The following FZD1 variants were observed in gnomAD, a reference collection of about 807,000 sequenced individuals.
FZD1 encodes frizzled-1.
A neutral mutation model predicts 48.0 loss-of-function variants in FZD1; 22 were observed. The observed-to-expected ratio is 0.46, with a 90% confidence interval of 0.33 to 0.65. FZD1 has a LOEUF of 0.65. Among genes scored for constraint, FZD1 ranks in the 30% least tolerant of loss-of-function variants. The pLI is 0.02. For synonymous variants in FZD1, 486 were observed against 409.6 expected, an observed-to-expected ratio of 1.19 and a Z score of -2.25; for missense variants, 843 against 898.1, an observed-to-expected ratio of 0.94 and a Z score of 0.78.
Position 91,265,100 on chromosome 7 carries a change from G to A in FZD1, c.220G>A (p.Ala74Thr). The change falls in exon 1 of 1, where the codon GCG (alanine) becomes ACG (threonine). Residue 74 changes from alanine (A) to threonine (T), a missense_variant. Transcript: ENST00000287934. The surrounding 1 kb of genome is among the most constrained non-coding windows in gnomAD (Gnocchi z 6.9). ...GCTGCTGCTGGGGGTCCGGGCCCAG[G>A]CGGCGGGCCAGGGGCCAGGCCAGGG... Reference protein sequence around the residue: ...APLLLGVRAQAAGQGPGQGPG... With the variant: ...APLLLGVRAQTAGQGPGQGPG... 1 of 1,396,340 alleles carries A rather than the reference G, an allele frequency of 7.2e-7. No homozygotes were observed. The highest frequency in any genetic ancestry group is 1.6e-5 in the South Asian group (1 of 62,650). The allele number at this position is 1,396,340 out of a possible 1,614,324, so 86.5% of individuals were successfully genotyped here. A position where few individuals can be genotyped will look rare whatever the true frequency, so the allele number is the denominator to read the frequency against.
chr7:91,264,908 T>C lies in FZD1; in HGVS notation c.28T>C (p.Ser10Pro). ...GGCTGAGGAGGAGGCGCCTAAGAAG[T>C]CCCGGGCCGCCGGCGGTGGCGCGAG... MAEEEAPKKSRAAGGGASWE... is the reference protein window; with the variant it reads MAEEEAPKKPRAAGGGASWE... Residue 10 changes from serine to proline, a missense_variant, in exon 1 of 1, where the codon TCC becomes CCC. Physicochemically the swap from Ser to Pro is moderately conservative, Grantham distance 74 (BLOSUM62 -1). Coordinates refer to ENST00000287934, the MANE Select transcript of FZD1 (RefSeq NM_003505.2). 1 of 1,323,028 alleles carries C rather than the reference T, an allele frequency of 7.6e-7. No homozygotes were observed. Among genetic ancestry groups the C allele is most frequent in the Non-Finnish European group, 9.6e-7 (1 of 1,042,040 alleles). 82.0% of individuals were successfully genotyped at this position (1,323,028 alleles called of 1,614,324 possible). A position where few individuals can be genotyped will look rare whatever the true frequency, so the allele number is the denominator to read the frequency against.
chr7:91,266,763 AC>A lies in FZD1; in HGVS notation c.1884del (p.Ser629ProfsTer76). On this transcript the variant is annotated frameshift_variant, in exon 1 of 1. Coordinates refer to ENST00000287934, the MANE Select transcript of FZD1 (RefSeq NM_003505.2). LOFTEE classifies it high-confidence loss of function. The surrounding 1 kb of genome is among the most constrained non-coding windows in gnomAD (Gnocchi z 6.8). ...GFWIWSGKTL[N>X]SWRKFYTRLT... The stretch of plus-strand genomic sequence containing the variant: ...TGGATCTGGTCCGGCAAGACCCTCA[AC>A]TCCTGGAGGAAGTTCTACACGAGGC... 1 of 1,612,526 alleles carries A rather than the reference AC, an allele frequency of 6.2e-7. No individual in the cohort carries two copies. The highest frequency in any genetic ancestry group is 1.1e-5 in the South Asian group (1 of 90,986).
In FZD1 at chr7:91,267,033, G is replaced by A; in HGVS notation, c.*209G>A. The A allele has an allele frequency of 3.7e-6, 2 of 542,604 alleles. No homozygotes were observed. The highest frequency in any genetic ancestry group is 3.0e-5 in the East Asian group (1 of 33,116). The allele number at this position is 542,604 out of a possible 1,614,324, so 33.6% of individuals were successfully genotyped here. A position where few individuals can be genotyped will look rare whatever the true frequency, so the allele number is the denominator to read the frequency against. On this transcript the variant is annotated 3_prime_UTR_variant, in exon 1 of 1. Transcript: ENST00000287934. ...AGGGCCCGACTGCCAGAGGGAGGAT[G>A]GACAGACCTCTTGCCCTCACACTCT...
rs1160080135 is a variant in FZD1 at position 91,270,493 on chromosome 7, A to G, written c.*3669A>G. ...TACTGAAGCCTTCTGGTGTAGTTGT[A>G]TCACCTTAATGTCCAGCATTTAACT... is the stretch of plus-strand genomic sequence containing the variant. On this transcript the variant is annotated 3_prime_UTR_variant, in exon 1 of 1. Coordinates refer to ENST00000287934, the MANE Select transcript of FZD1 (RefSeq NM_003505.2). 3 of 167,046 alleles carry G rather than the reference A, an allele frequency of 1.8e-5. No homozygotes were observed. The highest frequency in any genetic ancestry group is 7.2e-5 in the African/African-American group (3 of 41,430). 10.3% of individuals were successfully genotyped at this position (167,046 alleles called of 1,614,324 possible).
rs1803926527 is a variant in FZD1, at chr7:91,268,660, A to G, written c.*1836A>G. Reference sequence around the variant, plus strand: ...TATTTATAGAGGAATAGAAGTTTATATATATATAATACCATATTTTTAATT... The same window carrying G: ...TATTTATAGAGGAATAGAAGTTTATGTATATATAATACCATATTTTTAATT... On this transcript the variant is annotated 3_prime_UTR_variant, in exon 1 of 1. Transcript: ENST00000287934. 1 of 166,276 alleles carries G rather than the reference A, an allele frequency of 6.0e-6. No homozygotes were observed. Among genetic ancestry groups the G allele is most frequent in the East Asian group, 1.9e-4 (1 of 5,196 alleles). 10.3% of individuals were successfully genotyped at this position (166,276 alleles called of 1,614,324 possible).
In FZD1 at chr7:91,266,602, C is replaced by G; in HGVS notation, c.1722C>G (p.Cys574Trp). ...AACGCAGCTGGGTGGCCCAGAGCTG[C>G]AAGAGCTACGCTATCCCCTGCCCTC... ...QWERSWVAQSCKSYAIPCPHL... is the reference protein window; with the variant it reads ...QWERSWVAQSWKSYAIPCPHL... Residue 574 changes from cysteine (C) to tryptophan (W), a missense_variant, in exon 1 of 1, where the codon TGC (cysteine) becomes TGG (tryptophan). Cys to Trp is a radical substitution (Grantham distance 215). Transcript: ENST00000287934. This position sits in a 1 kb window ranked among gnomAD's most constrained non-coding sequence, Gnocchi z 6.8. 1 of 1,613,506 alleles carries G rather than the reference C, an allele frequency of 6.2e-7. No homozygotes were observed.
At position 91,268,348 on chromosome 7, in the gene FZD1, G is replaced by A. The variant is rs878905862; in HGVS notation, c.*1524G>A. On this transcript the variant is annotated 3_prime_UTR_variant, in exon 1 of 1. Coordinates refer to ENST00000287934, the MANE Select transcript of FZD1 (RefSeq NM_003505.2). ...AAAATATGGGCATGCATGCTAAAGG[G>A]AAAATGTGTGCAGGTCTACTGCATT... 9.0e-5 allele frequency: 15 copies of A among 167,182 alleles called. No individual in the cohort carries two copies. In the South Asian group the frequency reaches 3.1e-3, roughly 35 times the overall value. 10.4% of individuals were successfully genotyped at this position (167,182 alleles called of 1,614,324 possible).
Position 91,264,563 on chromosome 7 carries a change from G to A in FZD1, c.-318G>A, listed in dbSNP as rs931809919. ...AGCCCGCTGGGCTGCGGAGAGTTGC[G>A]CTCTCTACGGGGCCGCGGCCACTAG... is the stretch of plus-strand genomic sequence containing the variant. On this transcript the variant is annotated 5_prime_UTR_variant, in exon 1 of 1. Coordinates refer to ENST00000287934, the MANE Select transcript of FZD1 (RefSeq NM_003505.2). 55 of 355,048 alleles carry A rather than the reference G, an allele frequency of 1.5e-4. No homozygotes were observed. Among genetic ancestry groups the A allele is most frequent in the Non-Finnish European group, 2.5e-4 (49 of 197,506 alleles). 22.0% of individuals were successfully genotyped at this position (355,048 alleles called of 1,614,324 possible).
rs984834944 is a variant in FZD1 at position 91,266,580 on chromosome 7, G to A, written c.1700G>A (p.Arg567His). ...YEQAFRDQWE[R>H]SWVAQSCKSY... ...CAGGCCTTCCGGGACCAGTGGGAAC[G>A]CAGCTGGGTGGCCCAGAGCTGCAAG... The change falls in exon 1 of 1, where the codon CGC (arginine) becomes CAC (histidine). Residue 567 changes from arginine (R) to histidine (H), a missense_variant. This residue lies in a region of FZD1 where 353 missense variants were observed against 431.6 expected (regional missense o/e 0.82). Transcript: ENST00000287934. This position sits in a 1 kb window ranked among gnomAD's most constrained non-coding sequence, Gnocchi z 6.8. 6.2e-6 allele frequency: 10 copies of A among 1,613,488 alleles called. No homozygotes were observed. The highest frequency in any genetic ancestry group is 1.6e-4 in the Middle Eastern group (1 of 6,084).
Position 91,264,854 on chromosome 7 carries a change from C to G in FZD1, c.-27C>G, listed in dbSNP as rs947332790. The G allele has an allele frequency of 1.6e-6, 2 of 1,271,580 alleles. No homozygotes were observed. The highest frequency in any genetic ancestry group is 2.0e-6 in the Non-Finnish European group (2 of 1,011,042). 78.8% of individuals were successfully genotyped at this position (1,271,580 alleles called of 1,614,324 possible). ...CGTGCCCCTGGCAGCCCCAGCGGAG[C>G]GGCGCCAAGAGAGGAGCCGAGAAAG... On this transcript the variant is annotated 5_prime_UTR_variant, in exon 1 of 1. Coordinates refer to ENST00000287934, the MANE Select transcript of FZD1 (RefSeq NM_003505.2).
Position 91,267,988 on chromosome 7 carries a change from G to A in FZD1, c.*1164G>A, listed in dbSNP as rs1292755680. 1 of 167,108 alleles carries A rather than the reference G, an allele frequency of 6.0e-6. No homozygotes were observed. Among genetic ancestry groups the A allele is most frequent in the Admixed American group, 6.5e-5 (1 of 15,292 alleles). The allele number at this position is 167,108 out of a possible 1,614,324, so 10.4% of individuals were successfully genotyped here. ...TTTTACCGGTCTGTAAAATGGAAATGTTGAGGTCACCTGGAAAGCTTTGTT... is the reference window on the plus strand; with the variant it reads ...TTTTACCGGTCTGTAAAATGGAAATATTGAGGTCACCTGGAAAGCTTTGTT... On this transcript the variant is annotated 3_prime_UTR_variant, in exon 1 of 1. Coordinates refer to ENST00000287934, the MANE Select transcript of FZD1 (RefSeq NM_003505.2).
rs571332604 is a variant in FZD1, at chr7:91,266,906, C to T, written c.*82C>T. On this transcript the variant is annotated 3_prime_UTR_variant, in exon 1 of 1. Transcript: ENST00000287934. The surrounding 1 kb of genome is among the most constrained non-coding windows in gnomAD (Gnocchi z 6.8). ...CCAGCGCCGTGGAGTTCGTGCCAAT[C>T]CTGACATCTCGAGGTTTCCTCACTA... 33 of 887,748 alleles carry T rather than the reference C, an allele frequency of 3.7e-5. No individual in the cohort carries two copies. In the East Asian group the frequency reaches 8.0e-4, roughly 22 times the overall value. The allele number at this position is 887,748 out of a possible 1,614,324, so 55.0% of individuals were successfully genotyped here. A position where few individuals can be genotyped will look rare whatever the true frequency, so the allele number is the denominator to read the frequency against.
Position 91,265,807 on chromosome 7 carries a change from G to C in FZD1, c.927G>C (p.Met309Ile). The C allele has an allele frequency of 6.2e-7, 1 of 1,613,746 alleles. No individual in the cohort carries two copies. Among genetic ancestry groups the C allele is most frequent in the Non-Finnish European group, 8.5e-7 (1 of 1,179,726 alleles). The change falls in exon 1 of 1, where the codon ATG becomes ATC. Residue 309 changes from methionine (M) to isoleucine (I), a missense_variant. Around this residue, in one of 2 missense-constraint regions of FZD1, gnomAD observed 490 missense variants for 466.5 expected, o/e 1.05. Transcript: ENST00000287934. This position sits in a 1 kb window ranked among gnomAD's most constrained non-coding sequence, Gnocchi z 6.9. ...AGCCGACCAAGGTGTATGGGCTCAT[G>C]TACTTCGGGCCCGAGGAGCTGCGCT... is the stretch of plus-strand genomic sequence containing the variant. ...PCEPTKVYGL[M>I]YFGPEELRFS...
Position 91,265,433 on chromosome 7 carries a change from C to T in FZD1, c.553C>T (p.Pro185Ser). 1 of 1,613,386 alleles carries T rather than the reference C, an allele frequency of 6.2e-7. No individual in the cohort carries two copies. The highest frequency in any genetic ancestry group is 8.5e-7 in the Non-Finnish European group (1 of 1,179,826). Reference sequence around the variant, plus strand: ...GTGCACCGTGCTAGAGCAGGCGCTGCCGCCCTGCCGCTCCCTGTGCGAGCG... The same window carrying T: ...GTGCACCGTGCTAGAGCAGGCGCTGTCGCCCTGCCGCTCCCTGTGCGAGCG... ...PVCTVLEQALPPCRSLCERAR... is the reference protein window; with the variant it reads ...PVCTVLEQALSPCRSLCERAR... The change falls in exon 1 of 1, where the codon CCG becomes TCG. Residue 185 changes from proline (P) to serine (S), a missense_variant. Pro to Ser is a moderately conservative substitution (Grantham distance 74, BLOSUM62 -1). This residue lies in a region of FZD1 where 490 missense variants were observed against 466.5 expected (regional missense o/e 1.05). Coordinates refer to ENST00000287934, the MANE Select transcript of FZD1 (RefSeq NM_003505.2). The surrounding 1 kb of genome is among the most constrained non-coding windows in gnomAD (Gnocchi z 6.9).
chr7:91,266,419 C>A lies in FZD1; in HGVS notation c.1539C>A (p.Leu513=). The change falls in exon 1 of 1, where the codon CTC becomes CTA. Residue 513 remains leucine (L), a synonymous_variant. Transcript: ENST00000287934. The surrounding 1 kb of genome is among the most constrained non-coding windows in gnomAD (Gnocchi z 6.8). The part of the protein sequence containing the change: ...TSFLLAGFVS[L]FRIRTIMKHD... Reference sequence around the variant, plus strand: ...TTCTGCTGGCCGGCTTTGTGTCGCTCTTCCGCATCCGCACCATCATGAAGC... The same window carrying A: ...TTCTGCTGGCCGGCTTTGTGTCGCTATTCCGCATCCGCACCATCATGAAGC... 6.2e-7 allele frequency: 1 copy of A among 1,614,218 alleles called. No homozygotes were observed. The highest frequency in any genetic ancestry group is 1.1e-5 in the South Asian group (1 of 91,086).
chr7:91,265,048 G>A lies in FZD1; in HGVS notation c.168G>A (p.Leu56=). Residue 56 remains leucine (L), a synonymous_variant, in exon 1 of 1, where the codon CTG becomes CTA. Transcript: ENST00000287934. This position sits in a 1 kb window ranked among gnomAD's most constrained non-coding sequence, Gnocchi z 6.9. ...VDPRRLARQL[L]LLLWLLEAPL... is the part of the protein sequence containing the mutation. Reference sequence around the variant, plus strand: ...CCCGGCGATTGGCGCGCCAGCTGCTGCTGCTGCTTTGGCTGCTGGAGGCTC... The same window carrying A: ...CCCGGCGATTGGCGCGCCAGCTGCTACTGCTGCTTTGGCTGCTGGAGGCTC... 1 of 1,395,094 alleles carries A rather than the reference G, an allele frequency of 7.2e-7. No homozygotes were observed. Among genetic ancestry groups the A allele is most frequent in the East Asian group, 3.1e-5 (1 of 32,464 alleles). The allele number at this position is 1,395,094 out of a possible 1,614,324, so 86.4% of individuals were successfully genotyped here. A position where few individuals can be genotyped will look rare whatever the true frequency, so the allele number is the denominator to read the frequency against.
chr7:91,266,930 T>G lies in FZD1; in HGVS notation c.*106T>G, dbSNP rs562035155. The G allele has an allele frequency of 2.0e-3, 1,481 of 738,062 alleles. 2 individuals are homozygous for G. The highest frequency in any genetic ancestry group is 3.1e-3 in the Non-Finnish European group (1,326 of 430,592). 45.7% of individuals were successfully genotyped at this position (738,062 alleles called of 1,614,324 possible). ...TCCTGACATCTCGAGGTTTCCTCACTAGACAACTCTCTTTCGCAGGCTCCT... is the reference window on the plus strand; with the variant it reads ...TCCTGACATCTCGAGGTTTCCTCACGAGACAACTCTCTTTCGCAGGCTCCT... On this transcript the variant is annotated 3_prime_UTR_variant, in exon 1 of 1. Coordinates refer to ENST00000287934, the MANE Select transcript of FZD1 (RefSeq NM_003505.2). The surrounding 1 kb of genome is among the most constrained non-coding windows in gnomAD (Gnocchi z 6.8).
At position 91,265,064 on chromosome 7, in the gene FZD1, C is replaced by A. The variant is rs866903038; in HGVS notation, c.184C>A (p.Leu62Met). 2 of 1,382,760 alleles carry A rather than the reference C, an allele frequency of 1.4e-6. No individual in the cohort carries two copies. Among genetic ancestry groups the A allele is most frequent in the Non-Finnish European group, 9.3e-7 (1 of 1,073,236 alleles). The allele number at this position is 1,382,760 out of a possible 1,614,324, so 85.7% of individuals were successfully genotyped here. A position where few individuals can be genotyped will look rare whatever the true frequency, so the allele number is the denominator to read the frequency against. The change falls in exon 1 of 1, where the codon CTG becomes ATG. Residue 62 changes from leucine (L) to methionine (M), a missense_variant. This residue lies in a region of FZD1 where 490 missense variants were observed against 466.5 expected (regional missense o/e 1.05). Coordinates refer to ENST00000287934, the MANE Select transcript of FZD1 (RefSeq NM_003505.2). The surrounding 1 kb of genome is among the most constrained non-coding windows in gnomAD (Gnocchi z 6.9). ...CCAGCTGCTGCTGCTGCTTTGGCTGCTGGAGGCTCCGCTGCTGCTGGGGGT... is the reference window on the plus strand; with the variant it reads ...CCAGCTGCTGCTGCTGCTTTGGCTGATGGAGGCTCCGCTGCTGCTGGGGGT... ...ARQLLLLLWL[L>M]EAPLLLGVRA...
chr7:91,264,527 G>A lies in FZD1; in HGVS notation c.-354G>A. On this transcript the variant is annotated 5_prime_UTR_variant, in exon 1 of 1. Transcript: ENST00000287934. Reference sequence around the variant, plus strand: ...CGGCGGAGAAGGAGGCGGAGGCGCAGGGGGGAGCCGAGCCCGCTGGGCTGC... The same window carrying A: ...CGGCGGAGAAGGAGGCGGAGGCGCAAGGGGGAGCCGAGCCCGCTGGGCTGC... 2 of 332,000 alleles carry A rather than the reference G, an allele frequency of 6.0e-6. No homozygotes were observed. The highest frequency in any genetic ancestry group is 1.5e-4 in the South Asian group (1 of 6,812). The allele number at this position is 332,000 out of a possible 1,614,324, so 20.6% of individuals were successfully genotyped here.
Sources: allele counts gnomAD v4.1 joint callset, GRCh38; gene constraint gnomAD v4.1.1; regional missense constraint gnomAD v4.1.1; non-coding constraint Gnocchi (gnomAD v3.1); transcripts MANE v1.5; gene names NCBI Gene and HGNC (gene_info 2026-07-23, HGNC 2026-07-21).